Variants in FGF14 observed in about 807,000 individuals in gnomAD.
FGF14 encodes the protein fibroblast growth factor 14, also known as fibroblast growth factor homologous factor 4.
FGF14 carries 5 observed loss-of-function variants against 25.5 expected under a neutral mutation model. The observed-to-expected ratio is 0.20, with a 90% CI of 0.10 to 0.41. The LOEUF (loss-of-function observed/expected upper bound fraction) is 0.41, where lower values mean the gene tolerates loss of function less well. Among genes scored for constraint, FGF14 ranks in the 10% least tolerant of loss-of-function variants. FGF14 has a pLI of 1.00. For synonymous variants in FGF14, 138 were observed against 118.3 expected (o/e 1.17, Z -1.08); for missense variants, 222 against 320.1 (o/e 0.69, Z 2.34).
At chr13:102,276,349 GTGTGTATATA>G (rs1204025818) in intron 1 of FGF14, among the ~76,000 whole-genome samples, 16 of 32,762 alleles carry the variant, frequency 4.9e-4, no homozygotes, top group East Asian at 1.7e-3. Flanking sequence ...GTGTGTGTGT[GTGTGTATATA>G]TATATATATA....
intron 1 of FGF14, among the ~76,000 whole-genome samples, chr13:102,206,488 C>A (rs564791743): frequency 6.6e-6 from 1 of 152,168 alleles, no homozygotes; most frequent in South Asian, 2.1e-4. Context: ...CAAGACCAGC[C>A]TAGCCAACAT....
intron 1 of FGF14, among the ~76,000 whole-genome samples, chr13:102,198,598 C>T (rs983970344): frequency 3.9e-5 from 6 of 152,062 alleles, no homozygotes; most frequent in Non-Finnish European, 7.4e-5. Flanking sequence ...GGAGACAGGG[C>T]GTGGTAATGT....
chr13:102,111,788 A>C (rs2045242887), intron 1 of FGF14, among the ~76,000 whole-genome samples: 1 of 137,874 alleles, frequency 7.3e-6, no homozygotes, highest in African/African-American at 2.8e-5. Flanking sequence ...AAAAAAAAAA[A>C]AAACCAAAGC....
In FGF14 at chr13:101,916,646, G is replaced by T; in HGVS notation, c.-1C>A. ...AGCCGCTAGCGATGGCCGCGGCCAT[G>T]GTGGCCCCGGGAACGGGTCCGGGGA... On this transcript the variant is annotated 5_prime_UTR_variant, in exon 1 of 5. Transcript: ENST00000376143. The T allele has an allele frequency of 6.4e-7, 1 of 1,551,122 alleles. No homozygotes were observed. Among genetic ancestry groups the T allele is most frequent in the Non-Finnish European group, 8.7e-7 (1 of 1,145,434 alleles).
At chr13:102,055,038 TAC>T (rs928551193) in intron 1 of FGF14, among the ~76,000 whole-genome samples, 17 of 152,312 alleles carry the variant, frequency 1.1e-4, no homozygotes, top group African/African-American at 3.8e-4. Flanking sequence ...CATGGAGAAA[TAC>T]AGTTATTTCT....
At chr13:102,397,039 T>C (rs1017838846) in intron 1 of FGF14, among the ~76,000 whole-genome samples, 33 of 152,212 alleles carry the variant, frequency 2.2e-4, no homozygotes, top group African/African-American at 4.8e-5. Flanking sequence ...TGTTTTCATT[T>C]GAAATATACT....
intron 1 of FGF14, among the ~76,000 whole-genome samples, chr13:102,202,552 G>A (rs879560353): frequency 6.6e-6 from 1 of 152,186 alleles, no homozygotes; most frequent in Non-Finnish European, 1.5e-5. Flanking sequence ...TACGCCAGAT[G>A]ATATCCTGCT....
At chr13:101,961,894 G>C (rs1164942978) in intron 1 of FGF14, among the ~76,000 whole-genome samples, 1 of 152,112 alleles carries the variant, frequency 6.6e-6, no homozygotes, top group Non-Finnish European at 1.5e-5. Context: ...CTTCATAGCA[G>C]TGTGAGAATG....
At chr13:102,351,584 G>C (rs928047186) in intron 1 of FGF14, among the ~76,000 whole-genome samples, 1 of 152,190 alleles carries the variant, frequency 6.6e-6, no homozygotes, top group African/African-American at 2.4e-5. Flanking sequence ...GTCTTAGCTG[G>C]GTGGTTCTAG....
At chr13:102,336,977 C>G (rs1400963322) in intron 1 of FGF14, among the ~76,000 whole-genome samples, 1 of 152,200 alleles carries the variant, frequency 6.6e-6, no homozygotes, top group East Asian at 1.9e-4. Flanking sequence ...CACCTAGTCA[C>G]TCAAAAGCCT....
At chr13:101,857,206 C>G (rs1177935856) in intron 3 of FGF14, among the ~76,000 whole-genome samples, 3 of 151,968 alleles carry the variant, frequency 2.0e-5, no homozygotes, top group African/African-American at 7.2e-5. Context: ...ATAATGATTT[C>G]TGCTAAATAA....
intron 1 of FGF14, among the ~76,000 whole-genome samples, chr13:101,986,305 C>T (rs372219609): frequency 1.8e-4 from 27 of 151,992 alleles, no homozygotes; most frequent in South Asian, 4.1e-4. Context: ...AAAACCTTTC[C>T]GGTTTGTGAT....
intron 1 of FGF14, among the ~76,000 whole-genome samples, chr13:102,139,202 A>G (rs1013359776): frequency 1.3e-5 from 2 of 152,120 alleles, no homozygotes; most frequent in Non-Finnish European, 2.9e-5. Context: ...TTGAAAGCTC[A>G]TAACTCATCT....
At chr13:102,356,031 A>G (rs900618091) in intron 1 of FGF14, among the ~76,000 whole-genome samples, 4 of 152,218 alleles carry the variant, frequency 2.6e-5, no homozygotes, top group African/African-American at 7.2e-5. Flanking sequence ...GCCATTTAGA[A>G]GTCACTTGCT....
intron 3 of FGF14, among the ~76,000 whole-genome samples, chr13:101,859,749 A>G (rs1171627052): frequency 6.6e-6 from 1 of 152,042 alleles, no homozygotes; most frequent in African/African-American, 2.4e-5. Context: ...CACACTGGAC[A>G]TGGAGGACGA....
At chr13:102,325,053 A>G (rs2056378905) in intron 1 of FGF14, among the ~76,000 whole-genome samples, 1 of 152,162 alleles carries the variant, frequency 6.6e-6, no homozygotes, top group African/African-American at 2.4e-5. Flanking sequence ...TTAAAAAAAG[A>G]GGAAAAGATC....
At chr13:101,999,770 C>T (rs1032408472) in intron 1 of FGF14, among the ~76,000 whole-genome samples, 2 of 152,058 alleles carry the variant, frequency 1.3e-5, no homozygotes, top group Non-Finnish European at 2.9e-5. Context: ...GGTAATGGAT[C>T]CCATCATATA....
chr13:102,314,917 C>T lies in FGF14; in HGVS notation c.208+86554G>A, dbSNP rs992271418. The stretch of plus-strand genomic sequence containing the variant: ...GGCTAAAAATTTATATATAAAAATA[C>T]ATAATAAATGTACAAAATTATACAT... On this transcript the variant is annotated intron_variant, in intron 1 of 4. Transcript: ENST00000376131. 1.6e-3 allele frequency among the ~76,000 whole-genome samples: 245 copies of T among 149,336 alleles called. 2 individuals are homozygous for T. Among genetic ancestry groups the T allele is most frequent in the African/African-American group, 5.5e-3 (227 of 40,964 alleles).
At chr13:101,880,895 T>C (rs2045674360) in intron 1 of FGF14, among the ~76,000 whole-genome samples, 1 of 152,176 alleles carries the variant, frequency 6.6e-6, no homozygotes, top group Admixed American at 6.6e-5. Flanking sequence ...CAAAATGAAT[T>C]TTTTATATTG....
Sources: allele counts gnomAD v4.1 joint callset (sites outside exome capture counted in the v4.1 genomes callset), GRCh38; gene constraint gnomAD v4.1.1; transcripts MANE v1.5; gene names NCBI Gene and HGNC (gene_info 2026-07-23, HGNC 2026-07-21).